SGCZ: variants seen among roughly 807,000 people sequenced by gnomAD.
The protein encoded by SGCZ is zeta-sarcoglycan.
SGCZ carries 40 observed loss-of-function variants against 41.3 expected under a neutral mutation model. The ratio of observed to expected loss-of-function variants is 0.97; its 90% CI spans 0.75 to 1.26. The LOEUF (loss-of-function observed/expected upper bound fraction) is 1.26. SGCZ is among the 50% of genes most tolerant of loss of function. The pLI is 0.00. For missense variants in SGCZ, 552 were observed against 369.8 expected (o/e 1.49, Z -4.04); for synonymous variants, 206 against 137.5 (o/e 1.50, Z -3.49).
chr8:14,541,289 T>A (rs1165914979), intron 2 of SGCZ, among the ~76,000 whole-genome samples: 2 of 151,962 alleles, frequency 1.3e-5, no homozygotes, highest in African/African-American at 4.8e-5. Flanking sequence ...GTCCTAATGC[T>A]CTCCCTCCCC....
intron 1 of SGCZ, among the ~76,000 whole-genome samples, chr8:14,674,793 C>T: frequency 6.6e-6 from 1 of 151,850 alleles, no homozygotes; most frequent in Middle Eastern, 3.2e-3. Context: ...CCCTCTCCTC[C>T]TCCTGCTTTT....
chr8:14,599,663 A>G (rs1401722349), intron 1 of SGCZ, among the ~76,000 whole-genome samples: 2 of 152,094 alleles, frequency 1.3e-5, no homozygotes, highest in Non-Finnish European at 2.9e-5. Context: ...ATTCATCTAT[A>G]CCCATAAATT....
intron 2 of SGCZ, among the ~76,000 whole-genome samples, chr8:14,333,595 A>G (rs1802410785): frequency 6.6e-6 from 1 of 152,150 alleles, no homozygotes; most frequent in African/African-American, 2.4e-5. Flanking sequence ...TATTCATAGT[A>G]CACATTAGCA....
intron 4 of SGCZ, among the ~76,000 whole-genome samples, chr8:14,219,823 C>T (rs903619585): frequency 1.4e-5 from 2 of 145,848 alleles, no homozygotes; most frequent in African/African-American, 5.2e-5. Context: ...TCTTGCCAAC[C>T]GACTACCACT....
intron 1 of SGCZ, among the ~76,000 whole-genome samples, chr8:14,827,418 G>T (rs1207031044): frequency 6.6e-6 from 1 of 151,836 alleles, no homozygotes; most frequent in Non-Finnish European, 1.5e-5. Context: ...TGTGTTTTTA[G>T]TAGAGACAGG....
chr8:14,205,606 C>T (rs533959098), intron 4 of SGCZ, among the ~76,000 whole-genome samples: 2 of 152,204 alleles, frequency 1.3e-5, no homozygotes, highest in East Asian at 1.9e-4. Flanking sequence ...TTTCTTCAAT[C>T]TGACAAAGCA....
chr8:14,126,527 T>C (rs1454416617), intron 5 of SGCZ, among the ~76,000 whole-genome samples: 1 of 152,198 alleles, frequency 6.6e-6, no homozygotes, highest in African/African-American at 2.4e-5. Flanking sequence ...GGAATACTTT[T>C]CCACTGTTGG....
At chr8:14,301,081 C>T (rs1321772893) in intron 3 of SGCZ, among the ~76,000 whole-genome samples, 1 of 151,794 alleles carries the variant, frequency 6.6e-6, no homozygotes, top group African/African-American at 2.4e-5. Flanking sequence ...TCATCATCAT[C>T]ATCATCATCA....
chr8:14,403,571 G>C (rs1286129081), intron 2 of SGCZ, among the ~76,000 whole-genome samples: 1 of 152,096 alleles, frequency 6.6e-6, no homozygotes, highest in African/African-American at 2.4e-5. Context: ...CTTTGGCTCT[G>C]TTTATATGCT....
At chr8:14,220,152 G>C (rs145524723) in intron 4 of SGCZ, among the ~76,000 whole-genome samples, 163 of 152,224 alleles carry the variant, frequency 1.1e-3, no homozygotes, top group African/African-American at 3.7e-3. Context: ...TACACCAAAA[G>C]GGAGGCAGAA....
chr8:14,921,374 G>T (rs1307286455), intron 1 of SGCZ, among the ~76,000 whole-genome samples: 1 of 152,132 alleles, frequency 6.6e-6, no homozygotes, highest in Non-Finnish European at 1.5e-5. Flanking sequence ...CAATCTGTGT[G>T]ATTTCAGGCA....
intron 1 of SGCZ, among the ~76,000 whole-genome samples, chr8:14,826,118 G>T (rs1439357131): frequency 3.2e-5 from 4 of 124,122 alleles, no homozygotes; most frequent in Admixed American, 1.1e-4. Context: ...AAAGTGTGAT[G>T]CTCCCCTTCC....
At chr8:14,618,448 A>T (rs2117361609) in intron 1 of SGCZ, among the ~76,000 whole-genome samples, 1 of 152,294 alleles carries the variant, frequency 6.6e-6, no homozygotes, top group South Asian at 2.1e-4. Context: ...AGAGGTCCTA[A>T]GGCAGAAACA....
At chr8:14,647,503 T>C (rs1807260840) in intron 1 of SGCZ, among the ~76,000 whole-genome samples, 1 of 151,952 alleles carries the variant, frequency 6.6e-6, no homozygotes, top group Non-Finnish European at 1.5e-5. Flanking sequence ...ATAAAACATA[T>C]CTATGTAAAG....
intron 1 of SGCZ, among the ~76,000 whole-genome samples, chr8:14,779,570 TTTG>T (rs1361830207): frequency 6.6e-6 from 1 of 152,234 alleles, no homozygotes; most frequent in Non-Finnish European, 1.5e-5. Flanking sequence ...TACGTTTTTA[TTTG>T]TTAAGCAGAA....
intron 1 of SGCZ, among the ~76,000 whole-genome samples, chr8:14,960,970 C>T (rs927733756): frequency 4.7e-5 from 7 of 150,478 alleles, no homozygotes; most frequent in Admixed American, 6.7e-5. Context: ...CACACTCACT[C>T]AAGCAGAAAT....
intron 1 of SGCZ, among the ~76,000 whole-genome samples, chr8:15,125,435 T>C (rs1354026246): frequency 6.6e-6 from 1 of 152,250 alleles, no homozygotes; most frequent in East Asian, 1.9e-4. Flanking sequence ...TTAATTACCA[T>C]CAAAGGCCTA....
At chr8:14,667,089 A>G (rs1033456345) in intron 1 of SGCZ, among the ~76,000 whole-genome samples, 1 of 152,170 alleles carries the variant, frequency 6.6e-6, no homozygotes, top group Non-Finnish European at 1.5e-5. Context: ...ATTATCTTCA[A>G]TATTCAAAGT....
chr8:14,188,812 G>C (rs1440474419), intron 4 of SGCZ, among the ~76,000 whole-genome samples: 1 of 78,706 alleles, frequency 1.3e-5, no homozygotes, highest in Admixed American at 1.7e-4. Flanking sequence ...TTTTTTGTTT[G>C]TTTGTTTCTT....
Sources: gnomAD v4.1 joint callset for allele counts (sites outside exome capture counted in the v4.1 genomes callset) on GRCh38, gnomAD v4.1.1 for gene constraint, MANE v1.5 for transcripts, NCBI Gene and HGNC (gene_info 2026-07-23, HGNC 2026-07-21) for gene names.